Variants in ALDH4A1 observed in about 807,000 individuals in gnomAD.
The protein encoded by ALDH4A1 is aldehyde dehydrogenase 4 family member A1, also known as delta-1-pyrroline-5-carboxylate dehydrogenase, mitochondrial.
In ALDH4A1, 46 loss-of-function variants were observed where a neutral mutation model predicts 70.5. The observed-to-expected ratio is 0.65, with a 90% CI of 0.51 to 0.83. The LOEUF is 0.83. ALDH4A1 is among the 40% of genes least tolerant of loss of function. ALDH4A1 has a pLI of 0.00. For missense variants in ALDH4A1, 749 were observed against 766.5 expected (o/e 0.98, Z 0.27); for synonymous variants, 323 against 324.3 (o/e 1.00, Z 0.04).
chr1:18,877,736 G>A (rs1934780084), intron 9 of ALDH4A1, 124 bp from the exon 10 acceptor site: 11 of 1,205,186 alleles, frequency 9.1e-6, no homozygotes, highest in South Asian at 4.2e-5. Context: ...AGCCCAGAGC[G>A]GGCGGAGGCT....
Position 18,876,426 on chromosome 1 carries a change from G to A in ALDH4A1, c.1227C>T (p.Ser409=). ...CGGCCAGGATGGTGAGGCTGGGTGA[G>A]GAGCGTGCGTGCTCCAGCCACTTCT... is the stretch of plus-strand genomic sequence containing the variant. The part of the protein sequence containing the change: ...RIKKWLEHAR[S]SPSLTILAGG... Residue 409 remains serine, a synonymous_variant, in exon 12 of 15, where the codon TCC becomes TCT. Coordinates refer to ENST00000375341, the MANE Select transcript of ALDH4A1 (RefSeq NM_003748.4). The A allele has an allele frequency of 6.2e-7, 1 of 1,609,408 alleles. No individual in the cohort carries two copies. The highest frequency in any genetic ancestry group is 8.5e-7 in the Non-Finnish European group (1 of 1,178,600).
intron 5 of ALDH4A1, 23 bp downstream of exon 5, chr1:18,885,440 CGCCCCACCCA>C: frequency 6.0e-6 from 4 of 665,750 alleles, no homozygotes; most frequent in Non-Finnish European, 1.1e-5. Context: ...CACCCCACCC[CGCCCCACCCA>C]CCCGGGCCCA....
At chr1:18,886,591 G>A (rs1168721243) in intron 3 of ALDH4A1, 80 bp from the exon 4 acceptor site, 22 of 1,521,148 alleles carry the variant, frequency 1.4e-5, no homozygotes, top group Non-Finnish European at 2.0e-5. Context: ...CTCAGAGCCG[G>A]TTTTCCAGGA....
intron 10 of ALDH4A1, 57 bp from the exon 11 acceptor site, chr1:18,877,312 G>C (rs1934742991): frequency 7.0e-6 from 11 of 1,569,062 alleles, no homozygotes; most frequent in Non-Finnish European, 9.5e-6. Flanking sequence ...GACCAAGGGA[G>C]ACCCCTCCCC....
chr1:18,881,657 C>A, intron 8 of ALDH4A1, 43 bp downstream of exon 8: 1 of 1,612,070 alleles, frequency 6.2e-7, no homozygotes, highest in South Asian at 1.1e-5. Flanking sequence ...AGCAGGTGAA[C>A]GTCCCCTAGC....
Position 18,902,538 on chromosome 1 carries a change from G to T in ALDH4A1, c.-15C>A. On this transcript the variant is annotated 5_prime_UTR_variant, in exon 1 of 15. Coordinates refer to ENST00000375341, the MANE Select transcript of ALDH4A1 (RefSeq NM_003748.4). ...GGCAGCAGCATCTCGGGTTAGAAGC[G>T]GGGCTGTTCGCTGGATCGTCCGCCC... 2.0e-6 allele frequency: 3 copies of T among 1,484,430 alleles called. No individual in the cohort carries two copies. Among genetic ancestry groups the T allele is most frequent in the Non-Finnish European group, 1.8e-6 (2 of 1,117,674 alleles). The allele number at this position is 1,484,430 out of a possible 1,614,324, so 92.0% of individuals were successfully genotyped here. A position where few individuals can be genotyped will look rare whatever the true frequency, so the allele number is the denominator to read the frequency against.
chr1:18,893,685 G>A (rs1257672651), intron 1 of ALDH4A1, among the ~76,000 whole-genome samples: 12 of 152,088 alleles, frequency 7.9e-5, no homozygotes, highest in African/African-American at 2.9e-4. Context: ...TGTATTTTTA[G>A]TAGAGATGGG....
At chr1:18,885,377 C>G in intron 5 of ALDH4A1, 96 bp downstream of exon 5, 1 of 1,341,628 alleles carries the variant, frequency 7.5e-7, no homozygotes, top group Non-Finnish European at 1.0e-6. Context: ...GGCTTAGGAC[C>G]CAGAAGCGCT....
chr1:18,899,976 T>A (rs772446105), intron 1 of ALDH4A1, among the ~76,000 whole-genome samples: 1 of 152,224 alleles, frequency 6.6e-6, no homozygotes, highest in Non-Finnish European at 1.5e-5. Context: ...CAATAAAGTA[T>A]GGGCAGATGA....
intron 11 of ALDH4A1, 45 bp downstream of exon 11, chr1:18,877,163 C>G: frequency 1.3e-6 from 2 of 1,591,838 alleles, no homozygotes; most frequent in Non-Finnish European, 8.6e-7. Flanking sequence ...TCCACCCACT[C>G]CAGGGCTTGC....
chr1:18,893,824 T>C lies in ALDH4A1; in HGVS notation c.63-3719A>G, dbSNP rs185718423. 8.8e-4 allele frequency among the ~76,000 whole-genome samples: 134 copies of C among 152,316 alleles called. 2 individuals are homozygous for C. The highest frequency in any genetic ancestry group is 6.5e-3 in the Admixed American group (100 of 15,300). On this transcript the variant is annotated intron_variant, in intron 1 of 14. Coordinates refer to ENST00000375341, the MANE Select transcript of ALDH4A1 (RefSeq NM_003748.4). ...CAGCCGGTAGCTTATATTATTTTAA[T>C]ATAAATTTTTGGTAAATGACTTAGA...
intron 4 of ALDH4A1, 89 bp downstream of exon 4, chr1:18,886,375 C>T (rs1935200315): frequency 2.8e-6 from 4 of 1,448,936 alleles, no homozygotes; most frequent in South Asian, 2.3e-5. Flanking sequence ...GCAACTGATG[C>T]CCCCTGCCCC....
Position 18,871,849 on chromosome 1 carries a change from G to T in ALDH4A1, c.*996C>A, listed in dbSNP as rs994764530. ...GTCAAAAAAAGAATGGGCCAGTGAG[G>T]GACTGGTCCACACAGAGCCACTCCC... On this transcript the variant is annotated 3_prime_UTR_variant, in exon 15 of 15. Coordinates refer to ENST00000375341, the MANE Select transcript of ALDH4A1 (RefSeq NM_003748.4). 2 of 152,216 alleles carry T rather than the reference G, an allele frequency of 1.3e-5. No individual in the cohort carries two copies. The highest frequency in any genetic ancestry group is 2.9e-5 in the Non-Finnish European group (2 of 68,072). 9.4% of individuals were successfully genotyped at this position (152,216 alleles called of 1,614,324 possible). A position where few individuals can be genotyped will look rare whatever the true frequency, so the allele number is the denominator to read the frequency against.
intron 1 of ALDH4A1, among the ~76,000 whole-genome samples, chr1:18,896,131 A>C (rs1935608475): frequency 6.6e-6 from 1 of 152,098 alleles, no homozygotes; most frequent in Admixed American, 6.5e-5. Flanking sequence ...TCATAGCTCT[A>C]GACTTTTCTG....
chr1:18,886,041 C>T (rs753095779), intron 4 of ALDH4A1, among the ~76,000 whole-genome samples: 7 of 152,178 alleles, frequency 4.6e-5, no homozygotes, highest in East Asian at 1.9e-4. Context: ...CTGCCCTCAT[C>T]GCCACACAAT....
At position 18,885,642 on chromosome 1, in the gene ALDH4A1, G is replaced by A. The variant is rs201072479; in HGVS notation, c.298-14C>T. The A allele has an allele frequency of 2.4e-4, 382 of 1,613,786 alleles. 1 individual carries two copies. In the African/African-American group the frequency reaches 4.6e-3, roughly 20 times the overall value. ...GTTGAGCAGGCTCTAAAGGGAGAGG[G>A]AGAGGTTGGGGACTGCCACCTGCAG... On this transcript the variant is annotated splice_polypyrimidine_tract_variant and intron_variant, in intron 4 of 14. Coordinates refer to ENST00000375341, the MANE Select transcript of ALDH4A1 (RefSeq NM_003748.4).
At chr1:18,901,015 T>A (rs1935780172) in intron 1 of ALDH4A1, 1 of 615,956 alleles carries the variant, frequency 1.6e-6, no homozygotes, top group South Asian at 7.2e-5. Context: ...AGCCGAAAAC[T>A]CCTCAAAGGC....
At position 18,902,537 on chromosome 1, in the gene ALDH4A1, C is replaced by G. The variant is rs1328741239; in HGVS notation, c.-14G>C. The G allele has an allele frequency of 2.0e-6, 3 of 1,484,250 alleles. No individual in the cohort carries two copies. In the Admixed American group the frequency reaches 6.4e-5, roughly 32 times the overall value. The allele number at this position is 1,484,250 out of a possible 1,614,324, so 91.9% of individuals were successfully genotyped here. ...CGGCAGCAGCATCTCGGGTTAGAAG[C>G]GGGGCTGTTCGCTGGATCGTCCGCC... On this transcript the variant is annotated 5_prime_UTR_variant, in exon 1 of 15. Transcript: ENST00000375341.
At chr1:18,891,161 C>A (rs994815074) in intron 1 of ALDH4A1, among the ~76,000 whole-genome samples, 4 of 152,220 alleles carry the variant, frequency 2.6e-5, no homozygotes, top group Non-Finnish European at 4.4e-5. Flanking sequence ...GAGCCTCAGC[C>A]CTGCCACCTC....
Sources: gnomAD v4.1 joint callset for allele counts (sites outside exome capture counted in the v4.1 genomes callset) on GRCh38, gnomAD v4.1.1 for gene constraint, MANE v1.5 for transcripts, NCBI Gene and HGNC (gene_info 2026-07-23, HGNC 2026-07-21) for gene names.